RALYL: variants seen among roughly 807,000 people sequenced by gnomAD.
RALYL encodes RNA-binding Raly-like protein.
A neutral mutation model predicts 35.1 loss-of-function variants in RALYL; 29 were observed. The observed-to-expected ratio is 0.83, with a 90% CI of 0.61 to 1.13. The LOEUF (loss-of-function observed/expected upper bound fraction) is 1.13, where lower values mean the gene tolerates loss of function less well. Among genes scored for constraint, RALYL ranks in the 50% most tolerant of loss-of-function variants. RALYL has a pLI of 0.00. For missense variants in RALYL, 359 were observed against 360.4 expected, an observed-to-expected ratio of 1.00 and a Z score of 0.03; for synonymous variants, 120 against 127.6, an observed-to-expected ratio of 0.94 and a Z score of 0.40.
chr8:84,753,273 G>A (rs1320450762), intron 2 of RALYL, among the ~76,000 whole-genome samples: 12 of 152,132 alleles, frequency 7.9e-5, no homozygotes, highest in Non-Finnish European at 1.8e-4. Context: ...CCCAACTCTT[G>A]TAACTCCATT....
intron 2 of RALYL, among the ~76,000 whole-genome samples, chr8:84,581,998 G>T (rs950635329): frequency 6.6e-6 from 1 of 152,090 alleles, no homozygotes; most frequent in Non-Finnish European, 1.5e-5. Flanking sequence ...TTAAAATCAA[G>T]TAAGTGTCCA....
intron 2 of RALYL, among the ~76,000 whole-genome samples, chr8:84,658,213 C>G (rs1343703772): frequency 6.6e-6 from 1 of 152,158 alleles, no homozygotes; most frequent in African/African-American, 2.4e-5. Context: ...ATATTCATGA[C>G]TCTTCCTATA....
chr8:84,557,041 T>C (rs899702916), intron 2 of RALYL, among the ~76,000 whole-genome samples: 1 of 152,240 alleles, frequency 6.6e-6, no homozygotes, highest in Non-Finnish European at 1.5e-5. Context: ...AAAAGCTAAT[T>C]GGTAACATTT....
Position 84,887,765 on chromosome 8 carries a change from G to C in RALYL, c.847G>C (p.Gly283Arg), listed in dbSNP as rs1318737543. Reference sequence around the variant, plus strand: ...AGAGGAGGACTTCGATGAAGATGGGGGTCATGAGCTGGTAGGAAAGAAACA... The same window carrying C: ...AGAGGAGGACTTCGATGAAGATGGGCGTCATGAGCTGGTAGGAAAGAAACA... ...GIEEDFDEDG[G>R]HELFLQIK The change falls in exon 8 of 9, where the codon GGT becomes CGT. Residue 283 changes from glycine to arginine, a missense_variant. By Grantham distance (125) the Gly-to-Arg change is moderately radical (BLOSUM62 -2). Transcript: ENST00000521268. 6.2e-7 allele frequency: 1 copy of C among 1,612,208 alleles called. No individual in the cohort carries two copies. Among genetic ancestry groups the C allele is most frequent in the Admixed American group, 1.7e-5 (1 of 59,590 alleles).
chr8:84,854,614 T>A (rs751787838), intron 5 of RALYL, among the ~76,000 whole-genome samples: 2 of 152,206 alleles, frequency 1.3e-5, no homozygotes, highest in Non-Finnish European at 2.9e-5. Context: ...GCTGCTTGTT[T>A]AGATCATGAA....
intron 2 of RALYL, among the ~76,000 whole-genome samples, chr8:84,552,338 G>GTATATA (rs779399854): frequency 1.0e-3 from 77 of 73,926 alleles, no homozygotes; most frequent in African/African-American, 2.6e-3. Context: ...GGATGTGTGT[G>GTATATA]TATATATATA....
chr8:84,808,056 C>T (rs540922310), intron 4 of RALYL, among the ~76,000 whole-genome samples: 17 of 152,166 alleles, frequency 1.1e-4, no homozygotes, highest in Middle Eastern at 3.4e-3. Flanking sequence ...AATTTGCTTG[C>T]GGGTTCTTGG....
chr8:84,710,490 T>A (rs1019425665), intron 2 of RALYL, among the ~76,000 whole-genome samples: 6 of 151,876 alleles, frequency 4.0e-5, no homozygotes, highest in African/African-American at 1.2e-4. Flanking sequence ...TTAGTAGAGA[T>A]AGGGTTTCAC....
At chr8:84,231,071 A>G (rs183203079) in intron 1 of RALYL, among the ~76,000 whole-genome samples, 230 of 152,328 alleles carry the variant, frequency 1.5e-3, no homozygotes, top group Non-Finnish European at 2.6e-3. Context: ...ATTTAACTAA[A>G]CAATTGCAAT....
At chr8:84,508,299 T>C (rs1050568309) in intron 1 of RALYL, among the ~76,000 whole-genome samples, 3 of 152,156 alleles carry the variant, frequency 2.0e-5, no homozygotes, top group Admixed American at 6.6e-5. Context: ...GTTAACCCTA[T>C]GGCTTATACT....
At chr8:84,285,011 G>A (rs537390156) in intron 1 of RALYL, among the ~76,000 whole-genome samples, 1 of 152,258 alleles carries the variant, frequency 6.6e-6, no homozygotes, top group East Asian at 1.9e-4. Flanking sequence ...AAAAGGAGGG[G>A]TGAGTTGAAG....
At chr8:84,559,338 A>C (rs2061339602) in intron 2 of RALYL, among the ~76,000 whole-genome samples, 1 of 152,082 alleles carries the variant, frequency 6.6e-6, no homozygotes, top group Admixed American at 6.6e-5. Context: ...CAATTGTCTT[A>C]GAAGCAATTA....
At chr8:84,873,080 T>C (rs1162536219) in intron 6 of RALYL, 2 of 418,678 alleles carry the variant, frequency 4.8e-6, no homozygotes. Flanking sequence ...AACGCTCATG[T>C]CACTGAGAAT....
chr8:84,546,943 C>G (rs2060397257), intron 2 of RALYL, among the ~76,000 whole-genome samples: 1 of 147,448 alleles, frequency 6.8e-6, no homozygotes, highest in South Asian at 2.3e-4. Flanking sequence ...AGATTTACAT[C>G]TTAGTTCTAA....
intron 1 of RALYL, among the ~76,000 whole-genome samples, chr8:84,450,196 T>C (rs2049307103): frequency 6.6e-6 from 1 of 151,898 alleles, no homozygotes; most frequent in Admixed American, 6.6e-5. Flanking sequence ...ATAAAGGAAA[T>C]ATAATTTGGT....
chr8:84,843,041 C>T (rs1186066152), intron 4 of RALYL, among the ~76,000 whole-genome samples: 30 of 152,266 alleles, frequency 2.0e-4, no homozygotes, highest in South Asian at 4.1e-4. Flanking sequence ...GGAAGCATTC[C>T]CTTGAAAACT....
intron 2 of RALYL, among the ~76,000 whole-genome samples, chr8:84,718,888 A>G (rs992464860): frequency 3.3e-5 from 5 of 152,206 alleles, no homozygotes; most frequent in Admixed American, 2.6e-4. Flanking sequence ...CTCACCTTGC[A>G]TATTTCAGAT....
chr8:84,765,111 T>A (rs999857829), intron 2 of RALYL, among the ~76,000 whole-genome samples: 1 of 152,036 alleles, frequency 6.6e-6, no homozygotes, highest in Non-Finnish European at 1.5e-5. Flanking sequence ...GGCAGCACAG[T>A]TGGGAGTTGA....
intron 1 of RALYL, among the ~76,000 whole-genome samples, chr8:84,375,388 G>A: frequency 6.6e-6 from 1 of 151,744 alleles, no homozygotes; most frequent in Non-Finnish European, 1.5e-5. Flanking sequence ...AAAGTTTAGA[G>A]TTATCACTTA....
Sources: gnomAD v4.1 joint callset for allele counts (sites outside exome capture counted in the v4.1 genomes callset) on GRCh38, gnomAD v4.1.1 for gene constraint, MANE v1.5 for transcripts, NCBI Gene and HGNC (gene_info 2026-07-23, HGNC 2026-07-21) for gene names.